CFI: variants seen among roughly 807,000 people sequenced by gnomAD.
CFI encodes the protein complement factor I.
CFI carries 66 observed loss-of-function variants against 78.8 expected under a neutral mutation model. The ratio of observed to expected loss-of-function variants is 0.84; its 90% CI spans 0.69 to 1.03. The LOEUF is 1.03. CFI is among the 50% of genes least tolerant of loss of function. The pLI is 0.00. For synonymous variants in CFI, 250 were observed against 232.6 expected (o/e 1.07, Z -0.68); for missense variants, 706 against 704.5 (o/e 1.00, Z -0.02).
intron 1 of CFI, among the ~76,000 whole-genome samples, chr4:109,784,274 G>A (rs576183524): frequency 4.6e-5 from 7 of 152,068 alleles, no homozygotes; most frequent in Non-Finnish European, 7.4e-5. Context: ...TAGTGGAATG[G>A]GGAAAACCAA....
chr4:109,791,220 A>G (rs1731338221), intron 1 of CFI, among the ~76,000 whole-genome samples: 1 of 152,030 alleles, frequency 6.6e-6, no homozygotes, highest in South Asian at 2.1e-4. Flanking sequence ...TTTTTTTCAT[A>G]TGATTGCTGC....
At chr4:109,796,727 G>A (rs1732104684) in intron 1 of CFI, among the ~76,000 whole-genome samples, 1 of 152,216 alleles carries the variant, frequency 6.6e-6, no homozygotes, top group African/African-American at 2.4e-5. Flanking sequence ...GAGCACAGGA[G>A]GCGAAGACTG....
chr4:109,774,312 T>C (rs141398292), intron 1 of CFI, among the ~76,000 whole-genome samples: 1 of 152,222 alleles, frequency 6.6e-6, no homozygotes, highest in Non-Finnish European at 1.5e-5. Context: ...ATACAGAATA[T>C]GGAGAGTGAG....
chr4:109,731,307 A>C, the CFI span, among the ~76,000 whole-genome samples: 1 of 151,998 alleles, frequency 6.6e-6, no homozygotes, highest in Non-Finnish European at 1.5e-5. Flanking sequence ...CTGAGATTGC[A>C]CCACTGCACT....
intron 11 of CFI, among the ~76,000 whole-genome samples, 173 bp from the exon 12 acceptor site, chr4:109,742,768 T>C (rs983494045): frequency 2.0e-5 from 3 of 152,186 alleles, no homozygotes; most frequent in African/African-American, 4.8e-5. Context: ...ATTTCTAAAA[T>C]TGGATGGATA....
rs748609870 is a variant in CFI, at chr4:109,749,207, A to T, written c.1148+11T>A. ...TCGGGAAATCTAAAATTTACTGAAG[A>T]CATCTTTTACCTGAGACAATGTGCA... is the stretch of plus-strand genomic sequence containing the variant. On this transcript the variant is annotated intron_variant, in intron 10 of 12. Coordinates refer to ENST00000394634, the MANE Select transcript of CFI (RefSeq NM_000204.5). 1 of 1,604,100 alleles carries T rather than the reference A, an allele frequency of 6.2e-7. No individual in the cohort carries two copies. The highest frequency in any genetic ancestry group is 8.5e-7 in the Non-Finnish European group (1 of 1,170,852).
intron 2 of CFI, 149 bp downstream of exon 2, chr4:109,766,405 A>T: frequency 1.2e-6 from 1 of 828,572 alleles, no homozygotes; most frequent in Non-Finnish European, 2.0e-6. Context: ...TGATTTGTTT[A>T]GTGATTACTC....
chr4:109,794,198 C>G (rs1348963048), intron 1 of CFI: 1 of 152,092 alleles, frequency 6.6e-6, no homozygotes, highest in Non-Finnish European at 1.5e-5. Context: ...GGAAATTTTT[C>G]AGCCATTATT....
At chr4:109,768,248 A>T (rs1728038176) in intron 1 of CFI, among the ~76,000 whole-genome samples, 1 of 141,842 alleles carries the variant, frequency 7.1e-6, no homozygotes, top group South Asian at 2.4e-4. Flanking sequence ...TAACCTGCAC[A>T]TTGTGCACAT....
the CFI span, among the ~76,000 whole-genome samples, chr4:109,735,098 TACACAACTGTG>T: frequency 5.3e-5 from 8 of 152,136 alleles, no homozygotes; most frequent in African/African-American, 1.9e-4. Flanking sequence ...AATACAGGTG[TACACAACTGTG>T]ACTGGCTAAT....
chr4:109,784,603 A>G (rs975342963), intron 1 of CFI, among the ~76,000 whole-genome samples: 5 of 152,130 alleles, frequency 3.3e-5, no homozygotes, highest in African/African-American at 1.2e-4. Context: ...GTCAGAGTCT[A>G]CACTTCTAGC....
At position 109,777,690 on chromosome 4, in the gene CFI, C is replaced by T. The variant is rs557851530; in HGVS notation, c.58-10866G>A. ...TCAACAGAATATACATTCTTCTCAG[C>T]ACCACATCACACTTATTCCAAAACT... On this transcript the variant is annotated intron_variant, in intron 1 of 12. Transcript: ENST00000394634. 2.6e-5 allele frequency among the ~76,000 whole-genome samples: 4 copies of T among 152,316 alleles called. No individual in the cohort carries two copies. In the East Asian group the frequency reaches 7.7e-4, roughly 29 times the overall value.
intron 8 of CFI, 105 bp downstream of exon 8, chr4:109,752,363 T>C: frequency 1.0e-6 from 1 of 973,734 alleles, no homozygotes; most frequent in South Asian, 1.5e-5. Context: ...TTTAAATTGA[T>C]ACCAAAACTA....
chr4:109,741,261 G>T, intron 12 of CFI, 151 bp from the exon 13 acceptor site: 2 of 1,474,942 alleles, frequency 1.4e-6, no homozygotes, highest in Non-Finnish European at 1.8e-6. Flanking sequence ...GGCTGGGCTT[G>T]CAGAGTTGCA....
intron 1 of CFI, among the ~76,000 whole-genome samples, chr4:109,792,365 C>G (rs916534548): frequency 1.3e-5 from 2 of 152,110 alleles, no homozygotes; most frequent in African/African-American, 2.4e-5. Flanking sequence ...CACCTGAGGT[C>G]AGGAGTTCAA....
At chr4:109,743,121 TTTTC>T (rs1236857539) in intron 11 of CFI, among the ~76,000 whole-genome samples, 1 of 152,158 alleles carries the variant, frequency 6.6e-6, no homozygotes, top group East Asian at 1.9e-4. Flanking sequence ...GGATTTAAGA[TTTTC>T]TTCCTCAAGT....
chr4:109,743,129 C>T (rs538962949), intron 11 of CFI, among the ~76,000 whole-genome samples: 1 of 152,260 alleles, frequency 6.6e-6, no homozygotes, highest in East Asian at 1.9e-4. Context: ...GATTTTCTTC[C>T]TCAAGTGATC....
chr4:109,755,720 A>C (rs1726053264), intron 7 of CFI, among the ~76,000 whole-genome samples: 2 of 152,158 alleles, frequency 1.3e-5, no homozygotes, highest in Admixed American at 1.3e-4. Flanking sequence ...ACTGTAAGAA[A>C]TAAATGTATT....
At chr4:109,761,923 C>T (rs964637119) in intron 3 of CFI, 6 of 487,198 alleles carry the variant, frequency 1.2e-5, no homozygotes, top group African/African-American at 3.9e-5. Flanking sequence ...GGGGTGGTGG[C>T]TCACGCCTGT....
Sources: allele counts gnomAD v4.1 joint callset (sites outside exome capture counted in the v4.1 genomes callset), GRCh38; gene constraint gnomAD v4.1.1; transcripts MANE v1.5; gene names NCBI Gene and HGNC (gene_info 2026-07-23, HGNC 2026-07-21).